Variants in TANC2 observed in about 807,000 individuals in gnomAD.
TANC2 encodes tetratricopeptide repeat, ankyrin repeat and coiled-coil containing 2.
In TANC2, 26 loss-of-function variants were observed where a neutral mutation model predicts 210.5. That is an observed-to-expected ratio of 0.12 (90% confidence interval 0.09 to 0.17). TANC2 has a LOEUF of 0.17. TANC2 is among the 10% of genes least tolerant of loss of function. The pLI is 1.00. For missense variants in TANC2, 2,129 were observed against 2,608.9 expected (o/e 0.82, Z 4.01); for synonymous variants, 931 against 967.1 (o/e 0.96, Z 0.69).
intron 5 of TANC2, among the ~76,000 whole-genome samples, chr17:63,184,821 A>C (rs1567795801): frequency 6.7e-6 from 1 of 149,826 alleles, no homozygotes; most frequent in Non-Finnish European, 1.5e-5. Context: ...ACCCGGCTAA[A>C]TTTTTTTGTA....
rs577744018 is a variant in TANC2, at chr17:63,395,946, G to A, written c.3237+18G>A. ...ATACTGAGGTAAGAAGTAGGCAATA[G>A]GATTGTTTTTTCAAGCTCTGTATTG... On this transcript the variant is annotated intron_variant, in intron 18 of 27. Transcript: ENST00000689528. 3.8e-6 allele frequency: 6 copies of A among 1,590,166 alleles called. No individual in the cohort carries two copies. Among genetic ancestry groups the A allele is most frequent in the South Asian group, 3.4e-5 (3 of 87,682 alleles).
chr17:63,194,813 T>A (rs2041290761), intron 6 of TANC2, among the ~76,000 whole-genome samples: 1 of 152,044 alleles, frequency 6.6e-6, no homozygotes, highest in African/African-American at 2.4e-5. Flanking sequence ...CTCAGAAAGT[T>A]AAAAAAATCT....
intron 9 of TANC2, among the ~76,000 whole-genome samples, chr17:63,285,580 A>G (rs2044195681): frequency 6.6e-6 from 1 of 152,168 alleles, no homozygotes; most frequent in African/African-American, 2.4e-5. Flanking sequence ...ATTATAATGA[A>G]AGGATACAAA....
At chr17:63,105,500 A>T (rs927625744) in intron 4 of TANC2, among the ~76,000 whole-genome samples, 5 of 151,706 alleles carry the variant, frequency 3.3e-5, no homozygotes, top group Non-Finnish European at 7.4e-5. Flanking sequence ...TTGCATAATA[A>T]TATACTTATC....
At chr17:63,340,572 C>A (rs1323175646) in intron 12 of TANC2, among the ~76,000 whole-genome samples, 1 of 151,812 alleles carries the variant, frequency 6.6e-6, no homozygotes, top group African/African-American at 2.4e-5. Context: ...AATAGAATGC[C>A]TTTTCCTTGT....
intron 1 of TANC2, among the ~76,000 whole-genome samples, chr17:62,981,632 A>G (rs538526112): frequency 6.6e-6 from 1 of 152,196 alleles, no homozygotes; most frequent in East Asian, 1.9e-4. Flanking sequence ...GACTACCTTG[A>G]ATTAGGCCAG....
chr17:63,401,546 A>G (rs2048344490), intron 19 of TANC2, among the ~76,000 whole-genome samples: 1 of 152,218 alleles, frequency 6.6e-6, no homozygotes, highest in Non-Finnish European at 1.5e-5. Context: ...ATTTTTACAT[A>G]TTAGATTTTC....
intron 4 of TANC2, among the ~76,000 whole-genome samples, chr17:63,127,726 C>A (rs2038762229): frequency 6.6e-6 from 1 of 152,176 alleles, no homozygotes; most frequent in Non-Finnish European, 1.5e-5. Flanking sequence ...GCCTTACAAG[C>A]ATGGTGGCAT....
chr17:63,062,480 G>A (rs2036030025), intron 2 of TANC2, among the ~76,000 whole-genome samples: 1 of 152,190 alleles, frequency 6.6e-6, no homozygotes, highest in African/African-American at 2.4e-5. Flanking sequence ...AACTGGTCCA[G>A]CCTCTTCTGA....
Position 63,421,919 on chromosome 17 carries a change from C to T in TANC2, c.6189C>T (p.Ile2063=), listed in dbSNP as rs1568009868. Residue 2063 remains isoleucine (I), a synonymous_variant, in exon 28 of 28, where the codon ATC becomes ATT. Coordinates refer to ENST00000689528, the Ensembl canonical transcript of TANC2. This position sits in a 1 kb window ranked among gnomAD's most constrained non-coding sequence, Gnocchi z 6.9. ...CTCGGCAAGGGCAGACATCCCCTAT[C>T]AAACCAAAGAGACCGTTCGTGGAGT... 1 of 1,613,304 alleles carries T rather than the reference C, an allele frequency of 6.2e-7. No individual in the cohort carries two copies. The highest frequency in any genetic ancestry group is 1.3e-5 in the African/African-American group (1 of 75,042).
intron 2 of TANC2, among the ~76,000 whole-genome samples, chr17:63,038,240 T>A (rs928572792): frequency 1.5e-4 from 23 of 152,134 alleles, no homozygotes; most frequent in South Asian, 2.1e-4. Flanking sequence ...GCTAATTTTT[T>A]AAAAAAATAC....
chr17:63,051,760 C>T (rs239368), intron 2 of TANC2, among the ~76,000 whole-genome samples: 90,820 of 151,956 alleles, frequency 0.6, 29,721 homozygotes, highest in African/African-American at 0.87. Flanking sequence ...TTACATGAAA[C>T]AGTCAACACT....
At chr17:63,379,777 A>G in exon 15 of TANC2, 2 of 1,613,298 alleles carry the variant, frequency 1.2e-6, no homozygotes, top group South Asian at 1.1e-5. Context: ...CTAAACCGAC[A>G]GCAGACTATT....
At chr17:63,313,267 T>C (rs1006973705) in intron 9 of TANC2, 3 of 152,204 alleles carry the variant, frequency 2.0e-5, no homozygotes, top group African/African-American at 7.2e-5. Flanking sequence ...ACCTAGTATA[T>C]ATCAAGGCAC....
intron 9 of TANC2, among the ~76,000 whole-genome samples, chr17:63,306,418 C>A (rs571446486): frequency 6.6e-6 from 1 of 152,174 alleles, no homozygotes; most frequent in Non-Finnish European, 1.5e-5. Flanking sequence ...TCTCTTGATT[C>A]CCTTCTTCAA....
chr17:63,303,621 C>A (rs891281775), intron 9 of TANC2, among the ~76,000 whole-genome samples: 2 of 152,030 alleles, frequency 1.3e-5, no homozygotes, highest in Non-Finnish European at 2.9e-5. Context: ...CTCTGTATTT[C>A]TTGAATTTGA....
chr17:63,067,686 T>G (rs1045258720), intron 2 of TANC2, among the ~76,000 whole-genome samples: 1 of 151,942 alleles, frequency 6.6e-6, no homozygotes, highest in African/African-American at 2.4e-5. Flanking sequence ...ACTTGATGGG[T>G]TCAGTAGCAT....
intron 4 of TANC2, among the ~76,000 whole-genome samples, chr17:63,143,911 G>A (rs1490502970): frequency 4.6e-5 from 7 of 152,026 alleles, no homozygotes. Context: ...CTGGCACTTT[G>A]GGAGGCTGAG....
At chr17:62,987,072 T>G (rs2032606189) in intron 1 of TANC2, among the ~76,000 whole-genome samples, 1 of 152,172 alleles carries the variant, frequency 6.6e-6, no homozygotes, top group African/African-American at 2.4e-5. Context: ...ACTCAGAGAC[T>G]TGAGGGCCTC....
Sources: allele counts gnomAD v4.1 joint callset (sites outside exome capture counted in the v4.1 genomes callset), GRCh38; gene constraint gnomAD v4.1.1; non-coding constraint Gnocchi (gnomAD v3.1); transcripts MANE v1.5; gene names NCBI Gene and HGNC (gene_info 2026-07-23, HGNC 2026-07-21).